CACNB2: variants seen among roughly 807,000 people sequenced by gnomAD.
CACNB2 encodes the protein calcium voltage-gated channel auxiliary subunit beta 2.
In CACNB2, 42 loss-of-function variants were observed where a neutral mutation model predicts 73.3. The ratio of observed to expected loss-of-function variants is 0.57; its 90% CI spans 0.45 to 0.74. CACNB2 has a LOEUF of 0.74. CACNB2 is among the 30% of genes least tolerant of loss of function. The pLI is 0.00. For synonymous variants in CACNB2, 348 were observed against 310.3 expected, an observed-to-expected ratio of 1.12 and a Z score of -1.28; for missense variants, 940 against 853.0, an observed-to-expected ratio of 1.10 and a Z score of -1.27.
chr10:18,410,559 A>G (rs1464624641), intron 3 of CACNB2, among the ~76,000 whole-genome samples: 1 of 152,312 alleles, frequency 6.6e-6, no homozygotes, highest in East Asian at 1.9e-4. Flanking sequence ...TGAACATTAT[A>G]TGGGAGGTAG....
chr10:18,292,813 A>C (rs1381555178), intron 2 of CACNB2, among the ~76,000 whole-genome samples: 1 of 152,186 alleles, frequency 6.6e-6, no homozygotes, highest in East Asian at 1.9e-4. Flanking sequence ...TTGATACATT[A>C]AAATTAACAG....
At chr10:18,287,843 C>T (rs1174464940) in intron 2 of CACNB2, among the ~76,000 whole-genome samples, 1 of 152,082 alleles carries the variant, frequency 6.6e-6, no homozygotes, top group East Asian at 1.9e-4. Flanking sequence ...AAGTGAGACC[C>T]TATCTCAAAA....
intron 2 of CACNB2, among the ~76,000 whole-genome samples, chr10:18,308,237 G>C (rs570845521): frequency 6.6e-6 from 1 of 151,856 alleles, no homozygotes; most frequent in Non-Finnish European, 1.5e-5. Context: ...GAAGTGATCC[G>C]CCTGCCTTGG....
chr10:18,534,143 C>G lies in CACNB2; in HGVS notation c.1122C>G (p.Asp374Glu). 6.2e-7 allele frequency: 1 copy of G among 1,613,710 alleles called. No individual in the cohort carries two copies. The highest frequency in any genetic ancestry group is 8.5e-7 in the Non-Finnish European group (1 of 1,179,654). The stretch of plus-strand genomic sequence containing the variant: ...GAACATTGCAGTTGGTGGTCCTTGA[C>G]GCGGATACAATTAATCATCCAGCTC... ...LARTLQLVVL[D>E]ADTINHPAQL... Residue 374 changes from aspartate (D) to glutamate (E), a missense_variant, in exon 11 of 14, where the codon GAC (aspartate) becomes GAG (glutamate). Asp to Glu is a conservative substitution (Grantham distance 45). Coordinates refer to ENST00000324631, the MANE Select transcript of CACNB2 (RefSeq NM_201596.3).
At chr10:18,208,491 G>A (rs567747595) in intron 2 of CACNB2, among the ~76,000 whole-genome samples, 1 of 151,966 alleles carries the variant, frequency 6.6e-6, no homozygotes, top group African/African-American at 2.4e-5. Flanking sequence ...GCACACCTGT[G>A]GTCCCAGCTA....
chr10:18,541,017 A>G lies in CACNB2; in HGVS notation c.*1293A>G, dbSNP rs1019605026. On this transcript the variant is annotated 3_prime_UTR_variant, in exon 14 of 14. Transcript: ENST00000324631. ...GTGAGTGTTTCACTGGAAATGTACA[A>G]TCTTTGTGTGTTAGAGTATTTGTTT... 1.3e-5 allele frequency: 2 copies of G among 148,700 alleles called. No homozygotes were observed. Among genetic ancestry groups the G allele is most frequent in the African/African-American group, 5.0e-5 (2 of 40,202 alleles). 9.2% of individuals were successfully genotyped at this position (148,700 alleles called of 1,614,324 possible).
intron 2 of CACNB2, among the ~76,000 whole-genome samples, chr10:18,327,765 A>G (rs970375728): frequency 2.6e-5 from 4 of 152,110 alleles, no homozygotes; most frequent in Non-Finnish European, 5.9e-5. Flanking sequence ...TATACCCTGT[A>G]TTCTGCTGAA....
chr10:18,382,960 G>T (rs1245313784), intron 2 of CACNB2, among the ~76,000 whole-genome samples: 1 of 152,142 alleles, frequency 6.6e-6, no homozygotes, highest in African/African-American at 2.4e-5. Flanking sequence ...TTAATGAATT[G>T]CCACAAGCTT....
At chr10:18,509,009 T>C (rs1035275613) in intron 6 of CACNB2, among the ~76,000 whole-genome samples, 1 of 152,216 alleles carries the variant, frequency 6.6e-6, no homozygotes, top group Non-Finnish European at 1.5e-5. Context: ...GTGATTTAAA[T>C]GTTCACCAAG....
chr10:18,292,946 G>T (rs1255839838), intron 2 of CACNB2, among the ~76,000 whole-genome samples: 2 of 152,058 alleles, frequency 1.3e-5, no homozygotes, highest in African/African-American at 4.8e-5. Context: ...CATCATTATG[G>T]TTTTTTGGCA....
At chr10:18,520,906 T>C (rs2051812135) in intron 9 of CACNB2, among the ~76,000 whole-genome samples, 1 of 152,244 alleles carries the variant, frequency 6.6e-6, no homozygotes, top group African/African-American at 2.4e-5. Flanking sequence ...CTCTGTTTTC[T>C]AGTGCTCTTT....
rs371894731 is a variant in CACNB2 at position 18,465,806 on chromosome 10, C to G, written c.334-32549C>G. ...AAGTAGTTCTCCTGCCTCAGCCTCC[C>G]GAGTAGCTGGGATTACAGCATCCAC... On this transcript the variant is annotated intron_variant, in intron 3 of 13. Coordinates refer to ENST00000324631, the MANE Select transcript of CACNB2 (RefSeq NM_201596.3). Among the ~76,000 whole-genome samples the G allele has an allele frequency of 7.9e-5, 12 of 152,034 alleles. No individual in the cohort carries two copies. The East Asian group carries it at 1.7e-3, about 22-fold the overall frequency.
chr10:18,169,922 G>A (rs2033113730), intron 2 of CACNB2, among the ~76,000 whole-genome samples: 1 of 152,204 alleles, frequency 6.6e-6, no homozygotes, highest in Non-Finnish European at 1.5e-5. Context: ...GCTCATTGAT[G>A]TCATTGGGCA....
intron 5 of CACNB2, among the ~76,000 whole-genome samples, chr10:18,505,276 T>A (rs948843292): frequency 2.7e-5 from 4 of 150,938 alleles, no homozygotes; most frequent in African/African-American, 9.7e-5. Flanking sequence ...GGGAAAAAAA[T>A]GTTTTGGTCT....
At chr10:18,395,012 A>G (rs1414514293) in intron 2 of CACNB2, among the ~76,000 whole-genome samples, 1 of 152,158 alleles carries the variant, frequency 6.6e-6, no homozygotes, top group Non-Finnish European at 1.5e-5. Flanking sequence ...ACACAGGCTG[A>G]AGGAGTTTTT....
At chr10:18,358,510 C>G (rs1300720870) in intron 2 of CACNB2, among the ~76,000 whole-genome samples, 1 of 55,542 alleles carries the variant, frequency 1.8e-5, no homozygotes, top group Non-Finnish European at 4.0e-5. Context: ...CTCTCTCTCT[C>G]TCTCTCTCTC....
intron 2 of CACNB2, among the ~76,000 whole-genome samples, chr10:18,236,470 C>G (rs553144091): frequency 6.6e-6 from 1 of 152,330 alleles, no homozygotes; most frequent in South Asian, 2.1e-4. Flanking sequence ...CATTACATGT[C>G]TTGGACAATC....
rs754812063 is a variant in CACNB2 at position 18,150,976 on chromosome 10, G to T, written c.213+1G>T. 1 of 1,575,564 alleles carries T rather than the reference G, an allele frequency of 6.3e-7. No individual in the cohort carries two copies. The highest frequency in any genetic ancestry group is 1.1e-5 in the South Asian group (1 of 90,208). ...TACCTCAAATAGTTTTGTTCGCCAG[G>T]TAAGAGTTTTAAGTTCATGGTTTTG... On this transcript the variant is annotated splice_donor_variant, in intron 2 of 13. Transcript: ENST00000324631. LOFTEE classifies it high-confidence loss of function.
In CACNB2 at chr10:18,302,365, T is replaced by A. The variant is rs556771157; in HGVS notation, c.214-99559T>A. On this transcript the variant is annotated intron_variant, in intron 2 of 13. Transcript: ENST00000324631. ...AGAAGCGATAGCGCCTGTATTTAAA[T>A]GTGAATGACATTATACAAAATATAC... 5.3e-5 allele frequency among the ~76,000 whole-genome samples: 8 copies of A among 152,308 alleles called. No individual in the cohort carries two copies. In the South Asian group the frequency reaches 1.7e-3, roughly 32 times the overall value.
Sources: gnomAD v4.1 joint callset for allele counts (sites outside exome capture counted in the v4.1 genomes callset) on GRCh38, gnomAD v4.1.1 for gene constraint, MANE v1.5 for transcripts, NCBI Gene and HGNC (gene_info 2026-07-23, HGNC 2026-07-21) for gene names.